Variants in NDUFA10 observed in about 807,000 individuals in gnomAD.
NDUFA10 encodes the protein NADH:ubiquinone oxidoreductase subunit A10, also known as NADH dehydrogenase [ubiquinone] 1 alpha subcomplex subunit 10, mitochondrial.
In NDUFA10, 40 loss-of-function variants were observed where a neutral mutation model predicts 47.8. That is an observed-to-expected ratio of 0.84 (90% confidence interval 0.65 to 1.09). The LOEUF (loss-of-function observed/expected upper bound fraction) is 1.09, where lower values mean the gene tolerates loss of function less well. Among genes scored for constraint, NDUFA10 ranks in the 50% least tolerant of loss-of-function variants. The pLI is 0.00. For missense variants in NDUFA10, 413 were observed against 451.1 expected, an observed-to-expected ratio of 0.92 and a Z score of 0.76; for synonymous variants, 183 against 172.2, an observed-to-expected ratio of 1.06 and a Z score of -0.49.
At chr2:239,932,111 G>A (rs2106373859) in intron 4 of NDUFA10, among the ~76,000 whole-genome samples, 1 of 151,990 alleles carries the variant, frequency 6.6e-6, no homozygotes, top group South Asian at 2.1e-4. Flanking sequence ...TGGGATTACA[G>A]GCGTGAGCCA....
At chr2:239,902,083 A>G (rs1283676671) in intron 4 of NDUFA10, among the ~76,000 whole-genome samples, 3 of 152,244 alleles carry the variant, frequency 2.0e-5, no homozygotes, top group Non-Finnish European at 4.4e-5. Context: ...TGAATATTAC[A>G]TAAACTTCGT....
downstream of NDUFA10, among the ~76,000 whole-genome samples, chr2:239,953,843 C>A (rs568288482): frequency 5.8e-4 from 89 of 152,234 alleles, no homozygotes; most frequent in Non-Finnish European, 1.1e-3. Context: ...AAATAGACTC[C>A]GCTTCCAAAC....
chr2:240,022,697 A>G (rs1307242940), intron 1 of NDUFA10, among the ~76,000 whole-genome samples: 1 of 152,090 alleles, frequency 6.6e-6, no homozygotes, highest in Non-Finnish European at 1.5e-5. Context: ...AAAGACAGGG[A>G]TGGAGGGAAG....
chr2:240,025,295 A>T lies in NDUFA10; in HGVS notation c.7T>A (p.Leu3Met), dbSNP rs576037002. Reference sequence around the variant, plus strand: ...GTCGCTGCCAGCTTCAGGAGCCGCAAGGCCATGGCTACCCGGTCAGCTCAG... The same window carrying T: ...GTCGCTGCCAGCTTCAGGAGCCGCATGGCCATGGCTACCCGGTCAGCTCAG... MA[L>M]RLLKLAATSA... The change falls in exon 1 of 10, where the codon TTG (leucine) becomes ATG (methionine). Residue 3 changes from leucine (L) to methionine (M), a missense_variant. Coordinates refer to ENST00000252711, the MANE Select transcript of NDUFA10 (RefSeq NM_004544.4). 33 of 1,506,396 alleles carry T rather than the reference A, an allele frequency of 2.2e-5. No homozygotes were observed. In the African/African-American group the frequency reaches 4.1e-4, roughly 19 times the overall value. The allele number at this position is 1,506,396 out of a possible 1,614,324, so 93.3% of individuals were successfully genotyped here. A position where few individuals can be genotyped will look rare whatever the true frequency, so the allele number is the denominator to read the frequency against.
chr2:240,019,447 C>T (rs990756727), intron 3 of NDUFA10, among the ~76,000 whole-genome samples: 2 of 152,146 alleles, frequency 1.3e-5, no homozygotes, highest in Admixed American at 6.5e-5. Context: ...AAAAGCAAGG[C>T]TTTATTTAAC....
intron 4 of NDUFA10, 166 bp downstream of exon 4, chr2:240,018,387 G>C: frequency 6.5e-7 from 1 of 1,537,318 alleles, no homozygotes; most frequent in Non-Finnish European, 8.8e-7. Context: ...AGAAAGGGTG[G>C]AAGATACTTA....
chr2:239,952,784 A>C (rs1694578608), downstream of NDUFA10, among the ~76,000 whole-genome samples: 1 of 152,210 alleles, frequency 6.6e-6, no homozygotes, highest in Non-Finnish European at 1.5e-5. Context: ...CAGCCAGCCC[A>C]CGGCAGACGC....
chr2:239,932,735 A>G lies in NDUFA10; in HGVS notation c.295-37421T>C, dbSNP rs549069281. 5.3e-5 allele frequency among the ~76,000 whole-genome samples: 8 copies of G among 152,126 alleles called. No individual in the cohort carries two copies. In the South Asian group the frequency reaches 1.5e-3, roughly 28 times the overall value. On this transcript the variant is annotated intron_variant, in intron 4 of 5. Transcript: ENST00000419408. ...GCTGGGACTACAGGCATCCGCCACC[A>G]TACCCGGCTAATTTTTTTTGTATTT... is the stretch of plus-strand genomic sequence containing the variant.
intron 3 of NDUFA10, 149 bp from the exon 4 acceptor site, chr2:240,018,788 T>C: frequency 2.1e-6 from 2 of 961,918 alleles, no homozygotes; most frequent in African/African-American, 1.6e-5. Context: ...GACATATTTG[T>C]AAGTGGGAAA....
At chr2:240,011,848 C>A in intron 5 of NDUFA10, 152 bp from the exon 6 acceptor site, 1 of 705,318 alleles carries the variant, frequency 1.4e-6, no homozygotes, top group South Asian at 1.5e-5. Context: ...AGCAAAGGGT[C>A]CCAACATCAG....
At chr2:239,993,973 G>A (rs1179313135) in intron 8 of NDUFA10, among the ~76,000 whole-genome samples, 4 of 152,080 alleles carry the variant, frequency 2.6e-5, no homozygotes, top group South Asian at 4.2e-4. Flanking sequence ...CCTGCAGCCC[G>A]AGAGGTGAGA....
At chr2:239,923,802 G>A (rs112531432) in intron 4 of NDUFA10, among the ~76,000 whole-genome samples, 2,042 of 151,962 alleles carry the variant, frequency 0.013, 42 homozygotes, top group African/African-American at 0.04. Context: ...GGGAAATCAA[G>A]AAAATAAAAA....
rs142330769 is a variant in NDUFA10, at chr2:239,897,881, G to A, written c.295-2567C>T. ...ATCCCAGCCTCAGCTCCAGAAGCACGCGCATCCCCTGGGGCACACAGCCCC... is the reference window on the plus strand; with the variant it reads ...ATCCCAGCCTCAGCTCCAGAAGCACACGCATCCCCTGGGGCACACAGCCCC... On this transcript the variant is annotated intron_variant, in intron 4 of 5. Coordinates refer to the NDUFA10 transcript ENST00000419408. 3.1e-3 allele frequency among the ~76,000 whole-genome samples: 471 copies of A among 152,314 alleles called. 2 individuals are homozygous for A. Among genetic ancestry groups the A allele is most frequent in the Non-Finnish European group, 3.3e-3 (226 of 68,022 alleles).
At chr2:240,014,574 C>A (rs1697259301) in intron 5 of NDUFA10, 165 bp downstream of exon 5, 1 of 1,141,634 alleles carries the variant, frequency 8.8e-7, no homozygotes, top group Admixed American at 1.8e-5. Context: ...CATGGGGTCT[C>A]CCCTCCACCC....
chr2:240,014,490 G>C, intron 5 of NDUFA10: 1 of 522,782 alleles, frequency 1.9e-6, no homozygotes, highest in Non-Finnish European at 3.5e-6. Flanking sequence ...ACAGCTGAGG[G>C]GACTCGGGGA....
chr2:239,925,748 A>G lies in NDUFA10; in HGVS notation c.295-30434T>C, dbSNP rs74670876. Among the ~76,000 whole-genome samples the G allele has an allele frequency of 9.2e-5, 14 of 152,358 alleles. No homozygotes were observed. In the East Asian group the frequency reaches 1.7e-3, roughly 19 times the overall value. On this transcript the variant is annotated intron_variant, in intron 4 of 5. Transcript: ENST00000419408. ...TGACAGAATGAAAAGACAAGCTACA[A>G]GGTGGGAGATCACCTGGCAGAGGAC...
At position 239,968,619 on chromosome 2, in the gene NDUFA10, C is replaced by T. The variant is rs181500066; in HGVS notation, c.1000-7433G>A. ...GGCAGGACACAGTGACTAGATTTTA[C>T]GGAGTAGAGCACTAAAGGGGTGGGG... On this transcript the variant is annotated intron_variant, in intron 9 of 9. Coordinates refer to ENST00000252711, the MANE Select transcript of NDUFA10 (RefSeq NM_004544.4). Among the ~76,000 whole-genome samples the T allele has an allele frequency of 7.9e-5, 12 of 152,248 alleles. No individual in the cohort carries two copies. The East Asian group carries it at 1.5e-3, about 20-fold the overall frequency.
chr2:239,899,036 AGGAGGGGTGTGATGGAGGAGTGTGAT>A (rs1451240042), intron 4 of NDUFA10, among the ~76,000 whole-genome samples: 6 of 51,074 alleles, frequency 1.2e-4, no homozygotes, highest in Admixed American at 2.1e-4. Context: ...AGGGGTGTAA[AGGAGGGGTGTGATGGAGGAGTGTGAT>A]GGAGGGGTGT....
At chr2:239,953,779 G>A (rs1694602596), downstream of NDUFA10, among the ~76,000 whole-genome samples, 1 of 152,244 alleles carries the variant, frequency 6.6e-6, no homozygotes, top group Non-Finnish European at 1.5e-5. Flanking sequence ...TCAAGGCTGT[G>A]ACCATGTGGA....
Sources: gnomAD v4.1 joint callset for allele counts (sites outside exome capture counted in the v4.1 genomes callset) on GRCh38, gnomAD v4.1.1 for gene constraint, MANE v1.5 for transcripts, NCBI Gene and HGNC (gene_info 2026-07-23, HGNC 2026-07-21) for gene names.